The following SEMA5A variants were observed in gnomAD, a reference collection of about 807,000 sequenced individuals.
SEMA5A encodes semaphorin 5A.
A neutral mutation model predicts 135.5 loss-of-function variants in SEMA5A; 55 were observed. The observed-to-expected ratio is 0.41, with a 90% CI of 0.33 to 0.51. The LOEUF (loss-of-function observed/expected upper bound fraction) is 0.51, where lower values mean the gene tolerates loss of function less well. SEMA5A is among the 20% of genes least tolerant of loss of function. The pLI is 0.37. For missense variants in SEMA5A, 1,290 were observed against 1,419.9 expected (o/e 0.91, Z 1.47); for synonymous variants, 580 against 546.5 (o/e 1.06, Z -0.85).
chr5:9,230,150 A>AT (rs1285119071), intron 6 of SEMA5A, among the ~76,000 whole-genome samples: 3 of 100,060 alleles, frequency 3.0e-5, no homozygotes, highest in South Asian at 6.2e-4. Context: ...ACCCCTGGCT[A>AT]TTTTTTTCTT....
chr5:9,458,871 G>A (rs1305241719), intron 1 of SEMA5A, among the ~76,000 whole-genome samples: 2 of 152,184 alleles, frequency 1.3e-5, no homozygotes, highest in Non-Finnish European at 2.9e-5. Context: ...TTTACAATCA[G>A]ATTTGTATCA....
At chr5:9,313,331 A>G (rs1752229551) in intron 5 of SEMA5A, among the ~76,000 whole-genome samples, 1 of 152,130 alleles carries the variant, frequency 6.6e-6, no homozygotes, top group South Asian at 2.1e-4. Flanking sequence ...GGGTGACAGT[A>G]TGCACATGTG....
In SEMA5A at chr5:9,467,403, C is replaced by T. The variant is rs372766370; in HGVS notation, c.-174-29551G>A. The stretch of plus-strand genomic sequence containing the variant: ...CTGGGATTACAAACGTGAGCCACCG[C>T]GCCCGGCTGCATGAACTGTTCTGAG... On this transcript the variant is annotated intron_variant, in intron 1 of 22. Coordinates refer to ENST00000382496, the MANE Select transcript of SEMA5A (RefSeq NM_003966.3). Among the ~76,000 whole-genome samples, 87 of 152,248 alleles carry T rather than the reference C, an allele frequency of 5.7e-4. No homozygotes were observed. In the Middle Eastern group the frequency reaches 0.01, roughly 18 times the overall value.
rs535120637 is a variant in SEMA5A at position 9,488,362 on chromosome 5, T to C, written c.-174-50510A>G. ...TCTCACCACTGGACATTTTACATCT[T>C]GCGTGATGTTTAAGAGACACTTATA... On this transcript the variant is annotated intron_variant, in intron 1 of 22. Coordinates refer to ENST00000382496, the MANE Select transcript of SEMA5A (RefSeq NM_003966.3). Among the ~76,000 whole-genome samples the C allele has an allele frequency of 4.6e-5, 7 of 152,344 alleles. 1 individual carries two copies. Among genetic ancestry groups the C allele is most frequent in the South Asian group, 2.1e-4 (1 of 4,830 alleles).
rs150010233 is a variant in SEMA5A at position 9,432,954 on chromosome 5, A to G, written c.-78+4802T>C. On this transcript the variant is annotated intron_variant, in intron 2 of 22. Coordinates refer to ENST00000382496, the MANE Select transcript of SEMA5A (RefSeq NM_003966.3). The stretch of plus-strand genomic sequence containing the variant: ...GTTAAAATATAGTCATAGGTTATAT[A>G]AAATCTTAAAATAGAAAGTTCCCTT... Among the ~76,000 whole-genome samples the G allele has an allele frequency of 1.4e-3, 216 of 152,322 alleles. 1 individual carries two copies. Among genetic ancestry groups the G allele is most frequent in the African/African-American group, 4.9e-3 (203 of 41,582 alleles).
intron 1 of SEMA5A, among the ~76,000 whole-genome samples, chr5:9,487,135 C>T (rs1382213771): frequency 6.6e-6 from 1 of 151,992 alleles, no homozygotes; most frequent in African/African-American, 2.4e-5. Flanking sequence ...GTACAAGAAC[C>T]AATAAAACTT....
At chr5:9,271,191 C>G (rs1749955851) in intron 5 of SEMA5A, among the ~76,000 whole-genome samples, 1 of 152,130 alleles carries the variant, frequency 6.6e-6, no homozygotes, top group Non-Finnish European at 1.5e-5. Context: ...TACTTGCTCT[C>G]TCTTCTGCTC....
chr5:9,076,437 G>T (rs1368614741), intron 16 of SEMA5A, among the ~76,000 whole-genome samples: 5 of 151,976 alleles, frequency 3.3e-5, no homozygotes, highest in African/African-American at 9.7e-5. Context: ...GAAGAGAAAT[G>T]GATTAAAAGG....
At chr5:9,083,526 T>C (rs939948270) in intron 16 of SEMA5A, among the ~76,000 whole-genome samples, 2 of 152,180 alleles carry the variant, frequency 1.3e-5, no homozygotes, top group Admixed American at 1.3e-4. Context: ...TAAGTGATAC[T>C]TTCTATTTAC....
intron 1 of SEMA5A, among the ~76,000 whole-genome samples, chr5:9,456,411 A>C (rs929203267): frequency 7.2e-5 from 11 of 152,210 alleles, no homozygotes; most frequent in Non-Finnish European, 1.5e-4. Context: ...AAACACAACA[A>C]AACAAGAAAA....
At chr5:9,473,927 G>C (rs1298643997) in intron 1 of SEMA5A, among the ~76,000 whole-genome samples, 3 of 152,058 alleles carry the variant, frequency 2.0e-5, no homozygotes, top group South Asian at 2.1e-4. Flanking sequence ...CAAAAGACAG[G>C]GTGACCACAT....
intron 3 of SEMA5A, among the ~76,000 whole-genome samples, chr5:9,344,827 C>T (rs1022061370): frequency 1.2e-4 from 19 of 152,134 alleles, no homozygotes; most frequent in African/African-American, 4.3e-4. Context: ...CTATTGAGGG[C>T]TTAGTTGAAT....
rs1297709386 is a variant in SEMA5A at position 9,450,175 on chromosome 5, C to T, written c.-174-12323G>A. Among the ~76,000 whole-genome samples the T allele has an allele frequency of 3.3e-5, 5 of 152,312 alleles. No individual in the cohort carries two copies. In the South Asian group the frequency reaches 8.3e-4, roughly 25 times the overall value. On this transcript the variant is annotated intron_variant, in intron 1 of 22. Coordinates refer to ENST00000382496, the MANE Select transcript of SEMA5A (RefSeq NM_003966.3). ...CTGTCTCCACTGCCCTTGAGAACCA[C>T]TCTCAGCCTCAGAGACATTTCCAGA...
chr5:9,289,884 A>T (rs1402152417), intron 5 of SEMA5A, among the ~76,000 whole-genome samples: 1 of 152,096 alleles, frequency 6.6e-6, no homozygotes, highest in Non-Finnish European at 1.5e-5. Flanking sequence ...TGGGAGTTTT[A>T]AAAAAGGGTT....
chr5:9,460,163 G>A (rs1242718159), intron 1 of SEMA5A, among the ~76,000 whole-genome samples: 1 of 152,124 alleles, frequency 6.6e-6, no homozygotes, highest in African/African-American at 2.4e-5. Flanking sequence ...TACTCAGTAG[G>A]AGATTTTTAT....
intron 2 of SEMA5A, among the ~76,000 whole-genome samples, chr5:9,392,395 T>C (rs1225072008): frequency 3.9e-5 from 6 of 152,164 alleles, no homozygotes; most frequent in Non-Finnish European, 1.5e-5. Flanking sequence ...CTTAGGTATA[T>C]ACAAGTAAAT....
chr5:9,503,907 C>T (rs1735722458), intron 1 of SEMA5A, among the ~76,000 whole-genome samples: 1 of 152,154 alleles, frequency 6.6e-6, no homozygotes, highest in African/African-American at 2.4e-5. Flanking sequence ...TTCACCATTC[C>T]CTCTAATTAT....
Position 9,416,685 on chromosome 5 carries a change from T to G in SEMA5A, c.-78+21071A>C, listed in dbSNP as rs536696755. Among the ~76,000 whole-genome samples the G allele has an allele frequency of 7.9e-5, 12 of 152,344 alleles. No homozygotes were observed. In the South Asian group the frequency reaches 2.5e-3, roughly 32 times the overall value. ...TATGAATTTGCCCCTGCTTTTAATT[T>G]AGTAAGAGACCTTCAAAGCAGGAGT... On this transcript the variant is annotated intron_variant, in intron 2 of 22. Transcript: ENST00000382496.
chr5:9,054,153 A>T lies in SEMA5A; in HGVS notation c.2623T>A (p.Tyr875Asn), dbSNP rs1481482662. 6.2e-7 allele frequency: 1 copy of T among 1,614,014 alleles called. No individual in the cohort carries two copies. Among genetic ancestry groups the T allele is most frequent in the South Asian group, 1.1e-5 (1 of 91,076 alleles). The stretch of plus-strand genomic sequence containing the variant: ...AGCCCCAGGCAGATGTCCCCTCCAT[A>T]GGCCGGGGCTGGATTGGAGCAAGAG... ...TRSCSNPAPA[Y>N]GGDICLGLHT... Residue 875 changes from tyrosine (Y) to asparagine (N), a missense_variant, in exon 19 of 23, where the codon TAT becomes AAT. Physicochemically the swap from Tyr to Asn is moderately radical, Grantham distance 143. Coordinates refer to ENST00000382496, the MANE Select transcript of SEMA5A (RefSeq NM_003966.3).
Sources: allele counts gnomAD v4.1 joint callset (sites outside exome capture counted in the v4.1 genomes callset), GRCh38; gene constraint gnomAD v4.1.1; transcripts MANE v1.5; gene names NCBI Gene and HGNC (gene_info 2026-07-23, HGNC 2026-07-21).